PPFIA2: variants seen among roughly 807,000 people sequenced by gnomAD.
PPFIA2 encodes the protein liprin-alpha-2.
PPFIA2 carries 46 observed loss-of-function variants against 175.5 expected under a neutral mutation model. The observed-to-expected ratio is 0.26, with a 90% CI of 0.21 to 0.34. The LOEUF (loss-of-function observed/expected upper bound fraction) is 0.34, where lower values mean the gene tolerates loss of function less well. Ranked by LOEUF, PPFIA2 falls within the 10% of genes least tolerant of loss-of-function variation. PPFIA2 has a pLI of 1.00. For synonymous variants in PPFIA2, 568 were observed against 511.4 expected (o/e 1.11, Z -1.49); for missense variants, 1,179 against 1,506.1 (o/e 0.78, Z 3.60).
chr12:81,377,320 C>A (rs1214365922), intron 9 of PPFIA2, among the ~76,000 whole-genome samples: 1 of 152,048 alleles, frequency 6.6e-6, no homozygotes, highest in Non-Finnish European at 1.5e-5. Flanking sequence ...CCAAGGTGGG[C>A]AGATCTCTTG....
intron 3 of PPFIA2, among the ~76,000 whole-genome samples, chr12:81,691,782 G>T (rs1305945198): frequency 1.3e-5 from 2 of 151,960 alleles, no homozygotes; most frequent in Non-Finnish European, 2.9e-5. Flanking sequence ...CTTTTGACCA[G>T]GGGAAACACC....
chr12:81,487,723 T>C (rs2058985264), intron 4 of PPFIA2, among the ~76,000 whole-genome samples: 1 of 151,842 alleles, frequency 6.6e-6, no homozygotes, highest in South Asian at 2.1e-4. Context: ...CAATTCCAGT[T>C]ATTTCTTTAA....
intron 22 of PPFIA2, chr12:81,302,289 T>C (rs1461269550): frequency 6.6e-6 from 2 of 305,094 alleles, no homozygotes; most frequent in Non-Finnish European, 1.3e-5. Flanking sequence ...TAGTACTGAT[T>C]CTAGCTGATC....
intron 7 of PPFIA2, among the ~76,000 whole-genome samples, chr12:81,425,192 G>T (rs111469888): frequency 9.9e-5 from 15 of 152,276 alleles, no homozygotes; most frequent in Admixed American, 7.2e-4. Context: ...GTAATGTGGG[G>T]ATCCATCAAC....
intron 4 of PPFIA2, among the ~76,000 whole-genome samples, chr12:81,670,391 T>C (rs2071184524): frequency 6.6e-6 from 1 of 151,946 alleles, no homozygotes; most frequent in Non-Finnish European, 1.5e-5. Context: ...CTTAATATCA[T>C]CAATTCCAAT....
chr12:81,721,766 T>C (rs1336196630), intron 3 of PPFIA2, among the ~76,000 whole-genome samples: 1 of 151,250 alleles, frequency 6.6e-6, no homozygotes, highest in Non-Finnish European at 1.5e-5. Context: ...CAGCCACACA[T>C]TTTTTAGTCA....
At chr12:81,410,774 T>C (rs1355025000) in intron 7 of PPFIA2, among the ~76,000 whole-genome samples, 8 of 152,082 alleles carry the variant, frequency 5.3e-5, no homozygotes, top group Non-Finnish European at 8.8e-5. Flanking sequence ...ATTATTACTT[T>C]ACATGTTTCT....
chr12:81,730,965 C>A (rs184438477), intron 3 of PPFIA2, among the ~76,000 whole-genome samples: 2 of 151,470 alleles, frequency 1.3e-5, no homozygotes, highest in Admixed American at 1.3e-4. Flanking sequence ...AATGAAGAAT[C>A]CCTATTTAAA....
At chr12:81,265,102 G>T (rs1344649407) in intron 30 of PPFIA2, among the ~76,000 whole-genome samples, 1 of 147,810 alleles carries the variant, frequency 6.8e-6, no homozygotes, top group Non-Finnish European at 1.5e-5. Flanking sequence ...AGACCAGCCT[G>T]ACCAACATGG....
intron 4 of PPFIA2, among the ~76,000 whole-genome samples, chr12:81,475,123 A>C (rs2057313281): frequency 6.6e-6 from 1 of 152,220 alleles, no homozygotes; most frequent in Non-Finnish European, 1.5e-5. Context: ...TAGAAGCTTT[A>C]ATTCTATTCT....
At chr12:81,638,711 G>A (rs1243210949) in intron 4 of PPFIA2, among the ~76,000 whole-genome samples, 1 of 107,278 alleles carries the variant, frequency 9.3e-6, no homozygotes, top group African/African-American at 4.0e-5. Context: ...TTTTTGAGAC[G>A]GAGTCTCGCT....
intron 4 of PPFIA2, among the ~76,000 whole-genome samples, chr12:81,565,026 TG>T (rs1435129698): frequency 6.6e-6 from 1 of 152,186 alleles, no homozygotes; most frequent in African/African-American, 2.4e-5. Flanking sequence ...CAACTCGGAA[TG>T]GGGATGTGTG....
At chr12:81,637,937 G>T (rs759476886) in intron 4 of PPFIA2, among the ~76,000 whole-genome samples, 2 of 152,140 alleles carry the variant, frequency 1.3e-5, no homozygotes, top group Non-Finnish European at 2.9e-5. Flanking sequence ...TTTTAAACGA[G>T]ATATAATAAT....
At chr12:81,678,228 T>A (rs1317146425) in intron 3 of PPFIA2, among the ~76,000 whole-genome samples, 1 of 151,782 alleles carries the variant, frequency 6.6e-6, no homozygotes, top group Non-Finnish European at 1.5e-5. Flanking sequence ...TAAGTCCCAA[T>A]TGAAGTAATG....
At chr12:81,512,295 G>A in intron 4 of PPFIA2, 2 of 1,287,790 alleles carry the variant, frequency 1.6e-6, no homozygotes, top group Non-Finnish European at 2.0e-6. Flanking sequence ...TGATGTCCTG[G>A]TCGGCCTCTG....
At chr12:81,369,412 T>C (rs2034481380) in intron 11 of PPFIA2, 2 of 1,382,390 alleles carry the variant, frequency 1.4e-6, no homozygotes, top group African/African-American at 2.9e-5. Flanking sequence ...ATTGGAGTTA[T>C]TTATGAGCAA....
At chr12:81,341,599 A>G (rs1418769178) in intron 19 of PPFIA2, among the ~76,000 whole-genome samples, 6 of 152,224 alleles carry the variant, frequency 3.9e-5, no homozygotes, top group Non-Finnish European at 7.4e-5. Context: ...TTCATTAGCT[A>G]TCATTAGTGT....
intron 4 of PPFIA2, among the ~76,000 whole-genome samples, chr12:81,476,339 C>T (rs1043115378): frequency 6.6e-6 from 1 of 152,078 alleles, no homozygotes; most frequent in African/African-American, 2.4e-5. Flanking sequence ...CAGTCTAAAG[C>T]AGAAGTTGAA....
intron 4 of PPFIA2, among the ~76,000 whole-genome samples, chr12:81,534,303 T>C (rs1594624501): frequency 6.6e-6 from 1 of 151,760 alleles, no homozygotes; most frequent in East Asian, 1.9e-4. Context: ...ATTTATCATA[T>C]ATTTCAAAAT....
Sources: allele counts gnomAD v4.1 joint callset (sites outside exome capture counted in the v4.1 genomes callset), GRCh38; gene constraint gnomAD v4.1.1; transcripts MANE v1.5; gene names NCBI Gene and HGNC (gene_info 2026-07-23, HGNC 2026-07-21).